HIVEP2: variants seen among roughly 807,000 people sequenced by gnomAD.
HIVEP2 encodes transcription factor HIVEP2.
In HIVEP2, 14 loss-of-function variants were observed where a neutral mutation model predicts 180.7. The ratio of observed to expected loss-of-function variants is 0.08; its 90% confidence interval spans 0.05 to 0.12. The LOEUF (loss-of-function observed/expected upper bound fraction) is 0.12, where lower values mean the gene tolerates loss of function less well. HIVEP2 is among the 10% of genes least tolerant of loss of function. HIVEP2 has a pLI of 1.00. For synonymous variants in HIVEP2, 1,184 were observed against 1,136.4 expected (o/e 1.04, Z -0.84); for missense variants, 2,579 against 3,008.5 (o/e 0.86, Z 3.34).
At chr6:142,898,593 T>G (rs960946675) in intron 1 of HIVEP2, among the ~76,000 whole-genome samples, 1 of 152,016 alleles carries the variant, frequency 6.6e-6, no homozygotes, top group African/African-American at 2.4e-5. Context: ...TCTCAGGAGG[T>G]GGAGGTTGCA....
chr6:142,754,042 G>C (rs1487202174), intron 9 of HIVEP2, 111 bp from the exon 10 acceptor site: 1 of 591,896 alleles, frequency 1.7e-6, no homozygotes, highest in Non-Finnish European at 3.0e-6. Flanking sequence ...TACCTAGAGA[G>C]GCTTCAATAC....
At chr6:142,838,890 C>CA (rs1775291126) in intron 1 of HIVEP2, among the ~76,000 whole-genome samples, 1 of 152,096 alleles carries the variant, frequency 6.6e-6, no homozygotes, top group Non-Finnish European at 1.5e-5. Context: ...AGTCATTAAG[C>CA]AATATGTTAA....
At chr6:142,862,388 T>C (rs1354244429) in intron 1 of HIVEP2, among the ~76,000 whole-genome samples, 1 of 149,556 alleles carries the variant, frequency 6.7e-6, no homozygotes, top group Non-Finnish European at 1.5e-5. Context: ...CGATTACATG[T>C]ATTACATATT....
At chr6:142,795,417 A>G (rs1776257260) in intron 2 of HIVEP2, among the ~76,000 whole-genome samples, 1 of 152,182 alleles carries the variant, frequency 6.6e-6, no homozygotes, top group African/African-American at 2.4e-5. Context: ...CAAAACAAAC[A>G]AAAGTAGAGA....
At chr6:142,846,892 ATGAGGTGCTG>A (rs1261516912) in intron 1 of HIVEP2, among the ~76,000 whole-genome samples, 1 of 152,226 alleles carries the variant, frequency 6.6e-6, no homozygotes. Context: ...AAGGACCAGG[ATGAGGTGCTG>A]TGAAGGCTAC....
At chr6:142,864,418 C>T (rs921197526) in intron 1 of HIVEP2, among the ~76,000 whole-genome samples, 15 of 152,192 alleles carry the variant, frequency 9.9e-5, no homozygotes, top group Non-Finnish European at 2.1e-4. Flanking sequence ...AAGAAACTGA[C>T]ATCCACATTT....
intron 1 of HIVEP2, among the ~76,000 whole-genome samples, chr6:142,929,626 T>C (rs1459865348): frequency 2.0e-5 from 3 of 152,200 alleles, no homozygotes; most frequent in African/African-American, 7.2e-5. Context: ...CTTTTGTTAC[T>C]TAAAGTACAT....
In HIVEP2 at chr6:142,824,872, A is replaced by G. The variant is rs79536975; in HGVS notation, c.-528+12063T>C. Among the ~76,000 whole-genome samples the G allele has an allele frequency of 1.4e-3, 216 of 152,060 alleles. 1 individual carries two copies. Among genetic ancestry groups the G allele is most frequent in the East Asian group, 0.012 (60 of 5,158 alleles). ...AATTTGAAACCAATAAAGTCCATAC[A>G]TTTATAGTTCACACCTCTGGAGCTG... On this transcript the variant is annotated intron_variant, in intron 2 of 9. Coordinates refer to ENST00000367603, the MANE Select transcript of HIVEP2 (RefSeq NM_006734.4).
rs537416302 is a variant in HIVEP2 at position 142,801,915 on chromosome 6, C to A, written c.-527-18300G>T. ...TAAGTATATCCTTCTCCTTAAAGTT[C>A]TCCACAAGTCCTTTTCTGTGAAAAC... On this transcript the variant is annotated intron_variant, in intron 2 of 9. Coordinates refer to ENST00000367603, the MANE Select transcript of HIVEP2 (RefSeq NM_006734.4). 2.0e-4 allele frequency among the ~76,000 whole-genome samples: 31 copies of A among 152,240 alleles called. 1 individual carries two copies. The highest frequency in any genetic ancestry group is 6.5e-4 in the African/African-American group (27 of 41,536).
At chr6:142,897,018 A>G (rs1374304576) in intron 1 of HIVEP2, among the ~76,000 whole-genome samples, 2 of 152,198 alleles carry the variant, frequency 1.3e-5, no homozygotes, top group African/African-American at 2.4e-5. Context: ...TAGGCCCTCA[A>G]TAATAATTCT....
chr6:142,882,267 C>G (rs945982713), intron 1 of HIVEP2, among the ~76,000 whole-genome samples: 5 of 152,062 alleles, frequency 3.3e-5, no homozygotes, highest in African/African-American at 1.2e-4. Context: ...AGAAGAATTC[C>G]TAAAGCTAAA....
At chr6:142,795,877 G>A (rs1004923357) in intron 2 of HIVEP2, among the ~76,000 whole-genome samples, 1 of 152,050 alleles carries the variant, frequency 6.6e-6, no homozygotes, top group Non-Finnish European at 1.5e-5. Context: ...TTCCATTGGC[G>A]GTACATGGAC....
At chr6:142,790,464 CAG>C (rs1776110831) in intron 2 of HIVEP2, among the ~76,000 whole-genome samples, 1 of 152,016 alleles carries the variant, frequency 6.6e-6, no homozygotes, top group African/African-American at 2.4e-5. Context: ...TTTGGAGAGA[CAG>C]GGATAAAAGC....
chr6:142,831,163 C>T (rs1160373755), intron 2 of HIVEP2, among the ~76,000 whole-genome samples: 1 of 152,140 alleles, frequency 6.6e-6, no homozygotes, highest in Non-Finnish European at 1.5e-5. Flanking sequence ...TTGAGTGGAA[C>T]GCAGCCACAA....
chr6:142,770,300 T>G lies in HIVEP2; in HGVS notation c.4439A>C (p.Asn1480Thr), dbSNP rs1172758352. Residue 1480 changes from asparagine to threonine, a missense_variant, in exon 5 of 10, where the codon AAC becomes ACC. By Grantham distance (65) the Asn-to-Thr change is moderately conservative. This residue lies in a region of HIVEP2 where 349 missense variants were observed against 367.2 expected (regional missense o/e 0.95). Coordinates refer to ENST00000367603, the MANE Select transcript of HIVEP2 (RefSeq NM_006734.4). This position sits in a 1 kb window ranked among gnomAD's most constrained non-coding sequence, Gnocchi z 4.7. Reference sequence around the variant, plus strand: ...GGAGAGGTCCTTTTTGATGTCTGAGTTGGTCAGCTCCACAGCACTAAGCTC... The same window carrying G: ...GGAGAGGTCCTTTTTGATGTCTGAGGTGGTCAGCTCCACAGCACTAAGCTC... ...VEELSAVELT[N>T]SDIKKDLSRP... 10 of 1,613,988 alleles carry G rather than the reference T, an allele frequency of 6.2e-6. No individual in the cohort carries two copies. Among genetic ancestry groups the G allele is most frequent in the African/African-American group, 1.3e-5 (1 of 74,882 alleles).
At position 142,868,131 on chromosome 6, in the gene HIVEP2, T is replaced by C. The variant is rs566280752; in HGVS notation, c.-640-31084A>G. Among the ~76,000 whole-genome samples, 13 of 152,276 alleles carry C rather than the reference T, an allele frequency of 8.5e-5. No individual in the cohort carries two copies. In the South Asian group the frequency reaches 2.7e-3, roughly 32 times the overall value. ...CAGGAGTTACACAATGCTTAAACAA[T>C]AGTTATCCTACCGGGCTACAGTTCA... On this transcript the variant is annotated intron_variant, in intron 1 of 9. Coordinates refer to ENST00000367603, the MANE Select transcript of HIVEP2 (RefSeq NM_006734.4).
intron 1 of HIVEP2, among the ~76,000 whole-genome samples, chr6:142,838,333 T>A (rs1408457546): frequency 6.6e-6 from 1 of 152,132 alleles, no homozygotes; most frequent in East Asian, 1.9e-4. Context: ...CTCAAAAGAC[T>A]TCTTCATTAA....
At chr6:142,800,668 CAG>C (rs1343709999) in intron 2 of HIVEP2, among the ~76,000 whole-genome samples, 2 of 151,772 alleles carry the variant, frequency 1.3e-5, no homozygotes. Context: ...GGATGATAAA[CAG>C]AAAATAAAAA....
intron 1 of HIVEP2, among the ~76,000 whole-genome samples, chr6:142,927,555 A>G (rs924462124): frequency 1.8e-4 from 27 of 152,334 alleles, no homozygotes; most frequent in Admixed American, 1.3e-3. Flanking sequence ...TGTTTTCATT[A>G]TGAAAACACC....
Sources: allele counts gnomAD v4.1 joint callset (sites outside exome capture counted in the v4.1 genomes callset), GRCh38; gene constraint gnomAD v4.1.1; regional missense constraint gnomAD v4.1.1; non-coding constraint Gnocchi (gnomAD v3.1); transcripts MANE v1.5; gene names NCBI Gene and HGNC (gene_info 2026-07-23, HGNC 2026-07-21).